The following NKAIN3 variants were observed in gnomAD, a reference collection of about 807,000 sequenced individuals.
NKAIN3 encodes sodium/potassium transporting ATPase interacting 3.
In NKAIN3, 25 loss-of-function variants were observed where a neutral mutation model predicts 30.2. The observed-to-expected ratio is 0.83, with a 90% CI of 0.60 to 1.16. The LOEUF (loss-of-function observed/expected upper bound fraction) is 1.16, where lower values mean the gene tolerates loss of function less well. Among genes scored for constraint, NKAIN3 ranks in the 50% most tolerant of loss-of-function variants. The pLI is 0.00. For synonymous variants in NKAIN3, 91 were observed against 89.6 expected (o/e 1.02, Z -0.09); for missense variants, 225 against 254.1 (o/e 0.89, Z 0.78).
At chr8:62,923,748 G>C (rs2130863481) in intron 5 of NKAIN3, among the ~76,000 whole-genome samples, 1 of 152,276 alleles carries the variant, frequency 6.6e-6, no homozygotes, top group Non-Finnish European at 1.5e-5. Context: ...CAGAGTTACT[G>C]TCAAAGAGTG....
chr8:62,476,753 C>G (rs1034823008), intron 1 of NKAIN3, among the ~76,000 whole-genome samples: 5 of 152,120 alleles, frequency 3.3e-5, no homozygotes, highest in Non-Finnish European at 7.4e-5. Flanking sequence ...CCATACCCGG[C>G]CTCTATAGTA....
chr8:62,559,908 T>G (rs1456984348), intron 1 of NKAIN3, among the ~76,000 whole-genome samples: 3 of 152,120 alleles, frequency 2.0e-5, no homozygotes, highest in Admixed American at 6.6e-5. Context: ...TTATTTCTAT[T>G]TTGAGAACTC....
In NKAIN3 at chr8:62,974,349, G is replaced by A. The variant is rs1823899769; in HGVS notation, c.*8942G>A. Among the ~76,000 whole-genome samples the A allele has an allele frequency of 6.6e-6, 1 of 152,082 alleles. No homozygotes were observed. Among genetic ancestry groups the A allele is most frequent in the African/African-American group, 2.4e-5 (1 of 41,424 alleles). On this transcript the variant is annotated 3_prime_UTR_variant, in exon 7 of 7. Coordinates refer to ENST00000623646, the MANE Select transcript of NKAIN3 (RefSeq NM_001304533.3). ...TCCTCTCTTATTTCCTTGAGCAGTGGTTTGTAGTTCTTGAAGAGGTCATTC... is the reference window on the plus strand; with the variant it reads ...TCCTCTCTTATTTCCTTGAGCAGTGATTTGTAGTTCTTGAAGAGGTCATTC...
chr8:62,654,606 A>G (rs543273188), intron 3 of NKAIN3, among the ~76,000 whole-genome samples: 30 of 152,328 alleles, frequency 2.0e-4, no homozygotes, highest in Middle Eastern at 3.4e-3. Flanking sequence ...TAGCTAGAGG[A>G]CAATGGTAGT....
At chr8:62,687,891 C>G (rs781437063) in intron 3 of NKAIN3, among the ~76,000 whole-genome samples, 5 of 152,182 alleles carry the variant, frequency 3.3e-5, no homozygotes, top group Admixed American at 6.5e-5. Context: ...TCTGTAGATT[C>G]TTCTCCTGGG....
intron 3 of NKAIN3, among the ~76,000 whole-genome samples, chr8:62,593,933 G>C (rs191981968): frequency 4.6e-5 from 7 of 152,068 alleles, no homozygotes; most frequent in Non-Finnish European, 8.8e-5. Flanking sequence ...GTGGGGGTCT[G>C]TTCAGATGTT....
rs1488605223 is a variant in NKAIN3 at position 62,334,348 on chromosome 8, T to C, written c.54+85221T>C. Among the ~76,000 whole-genome samples, 7 of 152,096 alleles carry C rather than the reference T, an allele frequency of 4.6e-5. No homozygotes were observed. The East Asian group carries it at 5.8e-4, about 13-fold the overall frequency. ...TGGTGGTTGTCAGTAATCCTTGGCATTCCTTGGCTTGTAGATGCATCACTC... is the reference window on the plus strand; with the variant it reads ...TGGTGGTTGTCAGTAATCCTTGGCACTCCTTGGCTTGTAGATGCATCACTC... On this transcript the variant is annotated intron_variant, in intron 1 of 6. Transcript: ENST00000623646.
intron 1 of NKAIN3, among the ~76,000 whole-genome samples, chr8:62,283,316 A>G (rs1813265035): frequency 6.6e-6 from 1 of 152,024 alleles, no homozygotes; most frequent in African/African-American, 2.4e-5. Context: ...ATTTGTGTCA[A>G]TCCTGATGAC....
At chr8:62,763,322 TG>T (rs1338720296) in intron 4 of NKAIN3, among the ~76,000 whole-genome samples, 1 of 149,224 alleles carries the variant, frequency 6.7e-6, no homozygotes, top group Non-Finnish European at 1.5e-5. Context: ...CTTCTCAGAT[TG>T]GAAAACCTGG....
At chr8:62,493,195 C>A (rs1212384558) in intron 1 of NKAIN3, among the ~76,000 whole-genome samples, 1 of 151,554 alleles carries the variant, frequency 6.6e-6, no homozygotes, top group Non-Finnish European at 1.5e-5. Flanking sequence ...ACATTTAAGT[C>A]TTTTATCTAC....
At chr8:62,390,957 C>A (rs905979766) in intron 1 of NKAIN3, among the ~76,000 whole-genome samples, 5 of 152,084 alleles carry the variant, frequency 3.3e-5, no homozygotes, top group Non-Finnish European at 7.4e-5. Flanking sequence ...TTGTCAGATG[C>A]ATAGTTTGCA....
intron 1 of NKAIN3, among the ~76,000 whole-genome samples, chr8:62,528,319 T>TA (rs1563441441): frequency 1.6e-4 from 11 of 66,980 alleles, no homozygotes; most frequent in African/African-American, 2.7e-4. Flanking sequence ...ATATATATAT[T>TA]ATATAATATA....
At chr8:62,805,390 G>A (rs1818239885) in intron 4 of NKAIN3, among the ~76,000 whole-genome samples, 2 of 151,824 alleles carry the variant, frequency 1.3e-5, no homozygotes, top group South Asian at 2.1e-4. Flanking sequence ...CACACTACCT[G>A]ACTTCAAACT....
intron 4 of NKAIN3, among the ~76,000 whole-genome samples, chr8:62,750,114 C>T (rs1816229484): frequency 6.6e-6 from 1 of 151,990 alleles, no homozygotes; most frequent in Non-Finnish European, 1.5e-5. Context: ...GCGTGGGCAA[C>T]AACCAAGCAA....
chr8:62,929,087 A>G (rs562890098), intron 5 of NKAIN3, among the ~76,000 whole-genome samples: 10 of 152,296 alleles, frequency 6.6e-5, no homozygotes, highest in African/African-American at 2.4e-4. Flanking sequence ...AGGCCAGGAG[A>G]CCATTCCTGG....
chr8:62,930,305 G>A (rs545033536), intron 5 of NKAIN3, among the ~76,000 whole-genome samples: 1 of 152,060 alleles, frequency 6.6e-6, no homozygotes, highest in East Asian at 1.9e-4. Context: ...CCAGGCTGGA[G>A]TGTGATGGTG....
intron 3 of NKAIN3, among the ~76,000 whole-genome samples, chr8:62,652,109 G>A (rs997866244): frequency 2.0e-5 from 3 of 152,058 alleles, no homozygotes; most frequent in African/African-American, 7.2e-5. Flanking sequence ...TAAACCCATA[G>A]GGGGTCCATC....
intron 4 of NKAIN3, among the ~76,000 whole-genome samples, chr8:62,874,343 C>T (rs1266552521): frequency 6.6e-6 from 1 of 152,038 alleles, no homozygotes; most frequent in Non-Finnish European, 1.5e-5. Flanking sequence ...TAATTAATAG[C>T]CTACCAACCA....
intron 1 of NKAIN3, among the ~76,000 whole-genome samples, chr8:62,527,659 T>G (rs1808346982): frequency 6.6e-6 from 1 of 152,158 alleles, no homozygotes; most frequent in African/African-American, 2.4e-5. Flanking sequence ...TATGGACTAG[T>G]TAAGAAGCAA....
Sources: allele counts gnomAD v4.1 joint callset (sites outside exome capture counted in the v4.1 genomes callset), GRCh38; gene constraint gnomAD v4.1.1; transcripts MANE v1.5; gene names NCBI Gene and HGNC (gene_info 2026-07-23, HGNC 2026-07-21).